Variants in ZFHX3 observed in about 807,000 individuals in gnomAD.
ZFHX3 encodes zinc finger homeobox 3.
ZFHX3 carries 42 observed loss-of-function variants against 279.1 expected under a neutral mutation model. The observed-to-expected ratio is 0.15, with a 90% confidence interval of 0.12 to 0.19. The LOEUF (loss-of-function observed/expected upper bound fraction) is 0.19. Among genes scored for constraint, ZFHX3 ranks in the 10% least tolerant of loss-of-function variants. The pLI, the probability that ZFHX3 is intolerant of heterozygous loss-of-function variation, is 1.00. For missense variants in ZFHX3, 4,981 were observed against 4,754.0 expected, an observed-to-expected ratio of 1.05 and a Z score of -1.40; for synonymous variants, 2,293 against 1,957.8, an observed-to-expected ratio of 1.17 and a Z score of -4.52.
At chr16:73,004,159 C>CTTTTT (rs3081625) in intron 1 of ZFHX3, among the ~76,000 whole-genome samples, 1,106 of 49,340 alleles carry the variant, frequency 0.022, 216 homozygotes, top group African/African-American at 0.07. Context: ...AAAAACACGA[C>CTTTTT]TTTTTTTTTT....
At position 73,426,081 on chromosome 16, in the gene ZFHX3, G is replaced by T. The variant is rs561283461; in HGVS notation, c.-1291+29922C>A. 3.0e-4 allele frequency among the ~76,000 whole-genome samples: 46 copies of T among 152,108 alleles called. 1 individual carries two copies. Among genetic ancestry groups the T allele is most frequent in the Non-Finnish European group, 1.3e-4 (9 of 68,032 alleles). ...GCCCTGGCTGGCCACACCTCAGTGG[G>T]TACTAACTGGTGAGTCCCAGCTGGT... On this transcript the variant is annotated intron_variant, in intron 3 of 17. Coordinates refer to the ZFHX3 transcript ENST00000641206.
rs1219979851 is a variant in ZFHX3, at chr16:72,796,296, G to C, written c.6386C>G (p.Ala2129Gly). ...ATTGAGCTGATGCTGGTAGAGTTGG[G>C]CCAGGTCCGCAGGCAGAGGCTCCAC... ...GPVEPLPADL[A>G]QLYQHQLNPT... The change falls in exon 9 of 10, where the codon GCC becomes GGC. Residue 2129 changes from alanine to glycine, a missense_variant. Physicochemically the swap from Ala to Gly is moderately conservative, Grantham distance 60. Coordinates refer to ENST00000268489, the MANE Select transcript of ZFHX3 (RefSeq NM_006885.4). 2.5e-6 allele frequency: 4 copies of C among 1,613,988 alleles called. No homozygotes were observed. The highest frequency in any genetic ancestry group is 3.4e-6 in the Non-Finnish European group (4 of 1,180,042).
intron 4 of ZFHX3, among the ~76,000 whole-genome samples, chr16:72,885,357 A>T (rs907698838): frequency 6.6e-6 from 1 of 152,254 alleles, no homozygotes; most frequent in Non-Finnish European, 1.5e-5. Flanking sequence ...TTACGTAGCC[A>T]GTCATGGCAG....
At chr16:73,102,476 T>A (rs1392447354) in intron 7 of ZFHX3, among the ~76,000 whole-genome samples, 1 of 152,224 alleles carries the variant, frequency 6.6e-6, no homozygotes, top group African/African-American at 2.4e-5. Context: ...ATATGGTGCT[T>A]TGAAAAATAT....
chr16:72,826,849 T>G (rs2036945640), intron 5 of ZFHX3, among the ~76,000 whole-genome samples: 1 of 152,214 alleles, frequency 6.6e-6, no homozygotes, highest in Non-Finnish European at 1.5e-5. Context: ...TTAAGGACAT[T>G]CATTTTTTAT....
At chr16:73,077,459 T>C (rs1003245590) in intron 8 of ZFHX3, among the ~76,000 whole-genome samples, 3 of 152,134 alleles carry the variant, frequency 2.0e-5, no homozygotes, top group African/African-American at 7.2e-5. Flanking sequence ...CTTTCAGTCT[T>C]TCCACGTTGT....
chr16:73,660,360 A>G (rs943495959), intron 2 of ZFHX3, among the ~76,000 whole-genome samples: 7 of 152,218 alleles, frequency 4.6e-5, no homozygotes, highest in Non-Finnish European at 7.3e-5. Flanking sequence ...TGTAGACACA[A>G]CTGCAAAACT....
chr16:73,470,207 C>T lies in ZFHX3; in HGVS notation c.-1546-13949G>A, dbSNP rs114735091. On this transcript the variant is annotated intron_variant, in intron 2 of 17. Coordinates refer to the ZFHX3 transcript ENST00000641206. ...TAGCGAGTTTGACGCTTTCATTTCT[C>T]CTGCTAATGTACACTTTTCCTATAT... Among the ~76,000 whole-genome samples the T allele has an allele frequency of 2.6e-3, 396 of 152,320 alleles. 2 individuals are homozygous for T. Among genetic ancestry groups the T allele is most frequent in the African/African-American group, 8.8e-3 (367 of 41,574 alleles).
intron 3 of ZFHX3, among the ~76,000 whole-genome samples, chr16:73,319,113 G>C (rs567107267): frequency 7.9e-5 from 12 of 151,222 alleles, no homozygotes; most frequent in African/African-American, 2.7e-4. Context: ...GGTGTGGAAT[G>C]GGGGGGGCAG....
chr16:73,883,743 G>C (rs935083353), intron 1 of ZFHX3, among the ~76,000 whole-genome samples: 1 of 151,898 alleles, frequency 6.6e-6, no homozygotes, highest in African/African-American at 2.4e-5. Context: ...GAAATAATTT[G>C]CACATAGCTA....
chr16:73,840,166 G>A (rs372704549), intron 1 of ZFHX3, among the ~76,000 whole-genome samples: 4 of 152,180 alleles, frequency 2.6e-5, no homozygotes, highest in African/African-American at 9.7e-5. Flanking sequence ...TAATGCTAAA[G>A]TGAGGATGCT....
At chr16:73,454,980 T>C (rs2018347328) in intron 3 of ZFHX3, among the ~76,000 whole-genome samples, 1 of 151,966 alleles carries the variant, frequency 6.6e-6, no homozygotes, top group African/African-American at 2.4e-5. Flanking sequence ...CAAATGAGAA[T>C]GAAGACCTTT....
intron 1 of ZFHX3, among the ~76,000 whole-genome samples, chr16:72,971,034 G>C (rs972494261): frequency 1.3e-5 from 2 of 152,214 alleles, no homozygotes; most frequent in African/African-American, 2.4e-5. Context: ...GTAGTTTTTC[G>C]GGCTTTTTTC....
upstream of ZFHX3, among the ~76,000 whole-genome samples, chr16:73,052,770 CTCCCCGGAGCAATTGTG>C (rs1457909679): frequency 2.0e-5 from 3 of 152,218 alleles, no homozygotes; most frequent in Non-Finnish European, 4.4e-5. Context: ...GCTTTTCTGT[CTCCCCGGAGCAATTGTG>C]TGGGGAAGTC....
Position 72,797,602 on chromosome 16 carries a change from C to T in ZFHX3, c.5080G>A (p.Gly1694Arg). 4 of 1,613,986 alleles carry T rather than the reference C, an allele frequency of 2.5e-6. No individual in the cohort carries two copies. Among genetic ancestry groups the T allele is most frequent in the Non-Finnish European group, 3.4e-6 (4 of 1,180,002 alleles). The change falls in exon 9 of 10, where the codon GGG (glycine) becomes AGG (arginine). Residue 1694 changes from glycine to arginine, a missense_variant. This residue lies in a region of ZFHX3 where 1,751 missense variants were observed against 1,770.0 expected (regional missense o/e 0.99). Transcript: ENST00000268489. ...PTESVGMPPL[G>R]NPIGANIASP... Reference sequence around the variant, plus strand: ...GCAATGTTGGCACCAATAGGATTCCCCAGGGGTGGCATCCCTACACTCTCA... The same window carrying T: ...GCAATGTTGGCACCAATAGGATTCCTCAGGGGTGGCATCCCTACACTCTCA...
chr16:73,234,922 C>A (rs1420576618), intron 5 of ZFHX3, among the ~76,000 whole-genome samples: 5 of 152,160 alleles, frequency 3.3e-5, no homozygotes. Context: ...TAATCTCTAT[C>A]ATACAAAGAA....
At chr16:73,573,333 T>A (rs558531051) in intron 2 of ZFHX3, among the ~76,000 whole-genome samples, 20 of 152,262 alleles carry the variant, frequency 1.3e-4, no homozygotes, top group South Asian at 4.2e-4. Flanking sequence ...GGACCTGAAC[T>A]TCTTGGTGAT....
At chr16:73,574,415 A>C (rs2051777504) in intron 2 of ZFHX3, among the ~76,000 whole-genome samples, 1 of 152,012 alleles carries the variant, frequency 6.6e-6, no homozygotes, top group South Asian at 2.1e-4. Flanking sequence ...CATATACCTT[A>C]GTTTGGAAGC....
chr16:73,284,177 C>T (rs1223002368), intron 4 of ZFHX3, among the ~76,000 whole-genome samples: 1 of 151,424 alleles, frequency 6.6e-6, no homozygotes, highest in Non-Finnish European at 1.5e-5. Context: ...ATTAGCTGGG[C>T]ACGGGGGCAG....
Sources: gnomAD v4.1 joint callset for allele counts (sites outside exome capture counted in the v4.1 genomes callset) on GRCh38, gnomAD v4.1.1 for gene constraint, gnomAD v4.1.1 regional missense constraint, MANE v1.5 for transcripts, NCBI Gene and HGNC (gene_info 2026-07-23, HGNC 2026-07-21) for gene names.